Variants in C1orf21 observed in about 807,000 individuals in gnomAD.
The protein encoded by C1orf21 is chromosome 1 open reading frame 21.
A neutral mutation model predicts 18.7 loss-of-function variants in C1orf21; 3 were observed. The observed-to-expected ratio is 0.16, with a 90% CI of 0.07 to 0.42. The LOEUF (loss-of-function observed/expected upper bound fraction) is 0.42. Among genes scored for constraint, C1orf21 ranks in the 10% least tolerant of loss-of-function variants. The pLI is 0.99. For synonymous variants in C1orf21, 41 were observed against 46.4 expected, an observed-to-expected ratio of 0.88 and a Z score of 0.47; for missense variants, 104 against 143.6, an observed-to-expected ratio of 0.72 and a Z score of 1.41.
chr1:184,596,548 G>A (rs530909621), intron 4 of C1orf21, among the ~76,000 whole-genome samples: 5 of 152,144 alleles, frequency 3.3e-5, no homozygotes, highest in Admixed American at 6.5e-5. Context: ...ATATACATAC[G>A]GTTATCTATC....
chr1:184,503,831 A>G (rs2101962091), intron 2 of C1orf21, among the ~76,000 whole-genome samples: 1 of 152,316 alleles, frequency 6.6e-6, no homozygotes, highest in South Asian at 2.1e-4. Context: ...TTTTAAATGA[A>G]TCAACTAGAG....
At chr1:184,566,642 G>A in intron 3 of C1orf21, 2 of 386,144 alleles carry the variant, frequency 5.2e-6, no homozygotes, top group South Asian at 2.4e-5. Flanking sequence ...AGCTCTTTTG[G>A]GGCATAGTAT....
chr1:184,614,085 G>C (rs1659780801), intron 5 of C1orf21, among the ~76,000 whole-genome samples: 1 of 152,132 alleles, frequency 6.6e-6, no homozygotes. Context: ...TTTGGTACTT[G>C]GCTTCTTTGA....
intron 3 of C1orf21, among the ~76,000 whole-genome samples, chr1:184,532,057 T>A (rs1175506003): frequency 1.3e-5 from 2 of 152,120 alleles, no homozygotes; most frequent in Non-Finnish European, 2.9e-5. Context: ...TTTTTTTAAT[T>A]TAGGGAGAGG....
intron 1 of C1orf21, among the ~76,000 whole-genome samples, chr1:184,410,185 A>G (rs1656309799): frequency 1.3e-5 from 2 of 152,206 alleles, no homozygotes; most frequent in Admixed American, 1.3e-4. Flanking sequence ...TAGGAATAAT[A>G]GCTTTGGAAG....
At chr1:184,537,277 A>G (rs112967903) in intron 3 of C1orf21, among the ~76,000 whole-genome samples, 98 of 152,292 alleles carry the variant, frequency 6.4e-4, no homozygotes, top group African/African-American at 2.4e-3. Context: ...TACCCATTAC[A>G]CAGTAACTTC....
chr1:184,505,714 G>A (rs180771840), intron 2 of C1orf21, among the ~76,000 whole-genome samples: 37 of 150,592 alleles, frequency 2.5e-4, no homozygotes, highest in Non-Finnish European at 4.4e-4. Flanking sequence ...AGTGAGCCGA[G>A]ATCACACCAT....
intron 1 of C1orf21, among the ~76,000 whole-genome samples, chr1:184,390,591 A>G (rs1571336680): frequency 2.0e-5 from 3 of 152,160 alleles, no homozygotes; most frequent in African/African-American, 4.8e-5. Flanking sequence ...TAAAAATACT[A>G]TTTTGGAAAT....
chr1:184,483,474 G>A (rs569900167), intron 2 of C1orf21, among the ~76,000 whole-genome samples: 1 of 152,296 alleles, frequency 6.6e-6, no homozygotes, highest in African/African-American at 2.4e-5. Flanking sequence ...AACTCTTACA[G>A]TTATATTGAC....
chr1:184,551,080 A>G (rs976149828), intron 3 of C1orf21, among the ~76,000 whole-genome samples: 1 of 152,238 alleles, frequency 6.6e-6, no homozygotes, highest in Non-Finnish European at 1.5e-5. Flanking sequence ...AATCACATAG[A>G]ACAGAATAAA....
At chr1:184,530,655 T>C (rs907339855) in intron 3 of C1orf21, among the ~76,000 whole-genome samples, 25 of 151,510 alleles carry the variant, frequency 1.7e-4, no homozygotes, top group South Asian at 6.3e-4. Flanking sequence ...TTTGTCTATT[T>C]TGTTTCAATA....
At chr1:184,494,837 T>C (rs1018040416) in intron 2 of C1orf21, among the ~76,000 whole-genome samples, 5 of 148,074 alleles carry the variant, frequency 3.4e-5, no homozygotes, top group Non-Finnish European at 7.4e-5. Context: ...TAATGTTTTT[T>C]GCTTTTGCTT....
intron 3 of C1orf21, among the ~76,000 whole-genome samples, chr1:184,572,715 A>G (rs1659129607): frequency 6.6e-6 from 1 of 152,146 alleles, no homozygotes; most frequent in Non-Finnish European, 1.5e-5. Context: ...GCACTTTGGA[A>G]GGCTGAGGCA....
intron 2 of C1orf21, among the ~76,000 whole-genome samples, chr1:184,500,149 C>T (rs2101960413): frequency 6.6e-6 from 1 of 152,308 alleles, no homozygotes; most frequent in South Asian, 2.1e-4. Flanking sequence ...TAAGCCCCCT[C>T]CTGCTATAGA....
intron 3 of C1orf21, among the ~76,000 whole-genome samples, chr1:184,572,358 C>G (rs950616905): frequency 2.0e-5 from 3 of 152,064 alleles, no homozygotes; most frequent in Admixed American, 1.3e-4. Context: ...AGCGAGGGAG[C>G]GAGAACATGC....
intron 1 of C1orf21, among the ~76,000 whole-genome samples, chr1:184,459,293 A>G (rs1657266970): frequency 6.6e-6 from 1 of 152,224 alleles, no homozygotes; most frequent in Non-Finnish European, 1.5e-5. Flanking sequence ...TTATTCCTGG[A>G]GAGGGTGAAG....
chr1:184,545,009 A>G (rs918040542), intron 3 of C1orf21, among the ~76,000 whole-genome samples: 12 of 152,214 alleles, frequency 7.9e-5, no homozygotes, highest in African/African-American at 2.7e-4. Context: ...GGAAGCTGCA[A>G]TCATTTATAA....
intron 3 of C1orf21, among the ~76,000 whole-genome samples, chr1:184,545,086 T>A (rs1300682413): frequency 6.6e-6 from 1 of 152,178 alleles, no homozygotes; most frequent in East Asian, 1.9e-4. Flanking sequence ...CCAACCCTGG[T>A]ACAGGTACAG....
intron 5 of C1orf21, among the ~76,000 whole-genome samples, chr1:184,601,430 C>A (rs1659582991): frequency 1.3e-5 from 2 of 152,246 alleles, no homozygotes; most frequent in East Asian, 3.9e-4. Flanking sequence ...TATACAGAAA[C>A]CAGGACTGAA....
Sources: gnomAD v4.1 joint callset for allele counts (sites outside exome capture counted in the v4.1 genomes callset) on GRCh38, gnomAD v4.1.1 for gene constraint, MANE v1.5 for transcripts, NCBI Gene and HGNC (gene_info 2026-07-23, HGNC 2026-07-21) for gene names.